ANKHD1: variants seen among roughly 807,000 people sequenced by gnomAD.
ANKHD1 encodes the protein ankyrin repeat and KH domain-containing protein 1.
A neutral mutation model predicts 230.5 loss-of-function variants in ANKHD1; 31 were observed. The observed-to-expected ratio is 0.13, with a 90% CI of 0.10 to 0.18. The LOEUF (loss-of-function observed/expected upper bound fraction) is 0.18, where lower values mean the gene tolerates loss of function less well. Ranked by LOEUF, ANKHD1 falls within the 10% of genes least tolerant of loss-of-function variation. The probability of loss-of-function intolerance (pLI) is 1.00; values close to 1 mark genes in which losing one functional copy is unlikely to be tolerated. For missense variants in ANKHD1, 2,256 were observed against 3,071.3 expected (o/e 0.73, Z 6.27); for synonymous variants, 1,074 against 1,117.6 (o/e 0.96, Z 0.78).
chr5:140,526,913 T>C lies in ANKHD1; in HGVS notation c.4941-15T>C. 2 of 1,603,204 alleles carry C rather than the reference T, an allele frequency of 1.2e-6. No individual in the cohort carries two copies. The highest frequency in any genetic ancestry group is 4.5e-5 in the East Asian group (2 of 44,464). ...AACTTATCTTTTATTGTACTTGCTA[T>C]TTGTCTCTTCTTAGACTTGAAGGTG... On this transcript the variant is annotated splice_polypyrimidine_tract_variant and intron_variant, in intron 26 of 33. Transcript: ENST00000360839.
intron 1 of ANKHD1, among the ~76,000 whole-genome samples, chr5:140,431,209 A>G (rs951102634): frequency 6.6e-6 from 1 of 152,214 alleles, no homozygotes; most frequent in Admixed American, 6.5e-5. Context: ...ATACAAATGT[A>G]TTCATATCAT....
chr5:140,507,763 CTAAGCACATTT>C lies in ANKHD1; in HGVS notation c.3552-21_3552-11del. On this transcript the variant is annotated splice_polypyrimidine_tract_variant and intron_variant, in intron 19 of 33. Coordinates refer to ENST00000360839, the MANE Select transcript of ANKHD1 (RefSeq NM_017747.3). This position sits in a 1 kb window ranked among gnomAD's most constrained non-coding sequence, Gnocchi z 4.1. ...ATAGGCAACATATTATTTTAATTTT[CTAAGCACATTT>C]CCCCCTTTAGGACTGGGAGTAAACT... The C allele has an allele frequency of 2.5e-6, 4 of 1,605,584 alleles. No homozygotes were observed. The highest frequency in any genetic ancestry group is 3.4e-6 in the Non-Finnish European group (4 of 1,173,978).
At chr5:140,530,698 A>G (rs143794175) in intron 29 of ANKHD1, among the ~76,000 whole-genome samples, 10 of 152,390 alleles carry the variant, frequency 6.6e-5, no homozygotes, top group Non-Finnish European at 8.8e-5. Flanking sequence ...TCTATTTTCT[A>G]TGGTTTAAGA....
At chr5:140,479,736 A>ATATATAAG (rs1561782456) in intron 10 of ANKHD1, among the ~76,000 whole-genome samples, 1 of 149,596 alleles carries the variant, frequency 6.7e-6, no homozygotes, top group Non-Finnish European at 1.5e-5. Flanking sequence ...ACATAGGTAT[A>ATATATAAG]TATATATACT....
At chr5:140,443,107 G>A (rs962848729) in intron 5 of ANKHD1, among the ~76,000 whole-genome samples, 8 of 151,502 alleles carry the variant, frequency 5.3e-5, no homozygotes, top group South Asian at 4.2e-4. Context: ...GGGTTTCACC[G>A]TGTTAGCCAG....
At chr5:140,538,897 A>G in intron 32 of ANKHD1, 22 bp from the exon 33 acceptor site, 1 of 1,479,182 alleles carries the variant, frequency 6.8e-7, no homozygotes, top group South Asian at 1.5e-5. Flanking sequence ...TTAAGATTAA[A>G]TCTTTTTTCC....
intron 9 of ANKHD1, among the ~76,000 whole-genome samples, chr5:140,460,513 C>T (rs552821023): frequency 1.3e-5 from 2 of 151,868 alleles, no homozygotes; most frequent in Non-Finnish European, 2.9e-5. Context: ...ATTTGTTAAA[C>T]CAGATTTTAT....
At position 140,527,839 on chromosome 5, in the gene ANKHD1, T is replaced by C. The variant is rs759965209; in HGVS notation, c.5088-34T>C. On this transcript the variant is annotated intron_variant, in intron 27 of 33. Coordinates refer to ENST00000360839, the MANE Select transcript of ANKHD1 (RefSeq NM_017747.3). This position sits in a 1 kb window ranked among gnomAD's most constrained non-coding sequence, Gnocchi z 4.5. ...TCTTTCTTAATAAAGAGACATTTAATTTCATAAGCTCATGTGTATTCTTCA... is the reference window on the plus strand; with the variant it reads ...TCTTTCTTAATAAAGAGACATTTAACTTCATAAGCTCATGTGTATTCTTCA... The C allele has an allele frequency of 6.3e-7, 1 of 1,579,408 alleles. No homozygotes were observed. The highest frequency in any genetic ancestry group is 8.6e-7 in the Non-Finnish European group (1 of 1,162,628).
rs1267890064 is a variant in ANKHD1, at chr5:140,529,486, T to C, written c.6540T>C (p.Ser2180=). ...PQGPPAAVQL[S]SAVNIMNGSQ... is the part of the protein sequence containing the mutation. ...GCCCACCAGCTGCAGTGCAGCTTTC[T>C]TCAGCTGTGAACATTATGAATGGTT... Residue 2180 remains serine (S), a synonymous_variant, in exon 29 of 34, where the codon TCT becomes TCC. Coordinates refer to ENST00000360839, the MANE Select transcript of ANKHD1 (RefSeq NM_017747.3). 1 of 1,614,238 alleles carries C rather than the reference T, an allele frequency of 6.2e-7. No individual in the cohort carries two copies. Among genetic ancestry groups the C allele is most frequent in the Non-Finnish European group, 8.5e-7 (1 of 1,180,040 alleles).
At chr5:140,518,516 G>A in intron 24 of ANKHD1, among the ~76,000 whole-genome samples, 1 of 147,300 alleles carries the variant, frequency 6.8e-6, no homozygotes, top group African/African-American at 2.5e-5. Flanking sequence ...TATCCTTGAT[G>A]AACATTGATG....
At chr5:140,412,279 G>C (rs908717932) in intron 1 of ANKHD1, among the ~76,000 whole-genome samples, 1 of 151,722 alleles carries the variant, frequency 6.6e-6, no homozygotes, top group African/African-American at 2.4e-5. Context: ...CTTGTGATCT[G>C]CCCACCTCCC....
In ANKHD1 at chr5:140,537,594, A is replaced by G; in HGVS notation, c.7228+5A>G. The G allele has an allele frequency of 6.4e-7, 1 of 1,556,182 alleles. No individual in the cohort carries two copies. The highest frequency in any genetic ancestry group is 8.7e-7 in the Non-Finnish European group (1 of 1,151,190). On this transcript the variant is annotated splice_donor_5th_base_variant and intron_variant, in intron 31 of 33. Coordinates refer to ENST00000360839, the MANE Select transcript of ANKHD1 (RefSeq NM_017747.3). ...TTGGTGTCAATGCTGTGTCAGGTAC[A>G]ATTGCCTTGCTCTCTCTCTGGAGGG...
Position 140,401,901 on chromosome 5 carries a change from TTC to T in ANKHD1, c.-66_-65del, listed in dbSNP as rs1769973563. 6.6e-7 allele frequency: 1 copy of T among 1,504,876 alleles called. No individual in the cohort carries two copies. The allele number at this position is 1,504,876 out of a possible 1,614,324, so 93.2% of individuals were successfully genotyped here. A position where few individuals can be genotyped will look rare whatever the true frequency, so the allele number is the denominator to read the frequency against. ...CTTCTTCCTCTTGCTGCTCTTCTCG[TTC>T]CCGAGATCAGCGGCGGCGGTGACCG... On this transcript the variant is annotated 5_prime_UTR_variant, in exon 1 of 34. Coordinates refer to ENST00000360839, the MANE Select transcript of ANKHD1 (RefSeq NM_017747.3).
intron 31 of ANKHD1, 133 bp downstream of exon 31, chr5:140,537,722 T>C: frequency 7.4e-7 from 1 of 1,355,374 alleles, no homozygotes; most frequent in Non-Finnish European, 9.6e-7. Context: ...TAGGGAAGGG[T>C]GTTTATATCT....
chr5:140,402,047 G>C lies in ANKHD1; in HGVS notation c.80G>C (p.Gly27Ala). Reference protein sequence around the residue: ...DSVAPRSAPAGASEPPPPGGV... With the variant: ...DSVAPRSAPAAASEPPPPGGV... Reference sequence around the variant, plus strand: ...GTGGCTCCGCGATCCGCCCCAGCTGGGGCCTCGGAGCCGCCTCCGCCGGGA... The same window carrying C: ...GTGGCTCCGCGATCCGCCCCAGCTGCGGCCTCGGAGCCGCCTCCGCCGGGA... Residue 27 changes from glycine to alanine, a missense_variant, in exon 1 of 34, where the codon GGG (glycine) becomes GCG (alanine). This residue lies in a region of ANKHD1 where 193 missense variants were observed against 185.8 expected (regional missense o/e 1.04). Transcript: ENST00000360839. 1 of 1,494,146 alleles carries C rather than the reference G, an allele frequency of 6.7e-7. No homozygotes were observed. Among genetic ancestry groups the C allele is most frequent in the Non-Finnish European group, 8.9e-7 (1 of 1,127,140 alleles). 92.6% of individuals were successfully genotyped at this position (1,494,146 alleles called of 1,614,324 possible).
In ANKHD1 at chr5:140,449,448, T is replaced by C. The variant is rs556686835; in HGVS notation, c.1242+143T>C. 6.6e-4 allele frequency: 587 copies of C among 894,130 alleles called. 2 individuals carry two copies. In the African/African-American group the frequency reaches 7.9e-3, roughly 12 times the overall value. The allele number at this position is 894,130 out of a possible 1,614,324, so 55.4% of individuals were successfully genotyped here. On this transcript the variant is annotated intron_variant, in intron 7 of 33. Transcript: ENST00000360839. ...GAGAGGCCAAGTCGGGCGGATCACA[T>C]GGTCAGGAGTTCGAGACCAGCCTGG...
At chr5:140,468,200 G>A (rs184466449) in intron 10 of ANKHD1, among the ~76,000 whole-genome samples, 60 of 146,242 alleles carry the variant, frequency 4.1e-4, no homozygotes, top group Middle Eastern at 3.6e-3. Context: ...TTAGCCTCCC[G>A]AGTAGCTAGA....
At chr5:140,492,370 T>C (rs1025990527) in intron 14 of ANKHD1, among the ~76,000 whole-genome samples, 1 of 152,202 alleles carries the variant, frequency 6.6e-6, no homozygotes. Flanking sequence ...ATTGCTATGT[T>C]AAAATGTATA....
At chr5:140,403,115 G>A (rs555299640) in intron 1 of ANKHD1, among the ~76,000 whole-genome samples, 1 of 151,588 alleles carries the variant, frequency 6.6e-6, no homozygotes, top group East Asian at 2.0e-4. Context: ...GATTACAGGC[G>A]TGCGCCACCA....
Sources: gnomAD v4.1 joint callset for allele counts (sites outside exome capture counted in the v4.1 genomes callset) on GRCh38, gnomAD v4.1.1 for gene constraint, gnomAD v4.1.1 regional missense constraint, Gnocchi (gnomAD v3.1) non-coding constraint, MANE v1.5 for transcripts, NCBI Gene and HGNC (gene_info 2026-07-23, HGNC 2026-07-21) for gene names.